The following USP43 variants were observed in gnomAD, a reference collection of about 807,000 sequenced individuals.
The protein encoded by USP43 is ubiquitin carboxyl-terminal hydrolase 43.
In USP43, 33 loss-of-function variants were observed where a neutral mutation model predicts 90.7. The ratio of observed to expected loss-of-function variants is 0.36; its 90% CI spans 0.28 to 0.49. The LOEUF is 0.49. Among genes scored for constraint, USP43 ranks in the 20% least tolerant of loss-of-function variants. The probability of loss-of-function intolerance (pLI) is 0.98; values close to 1 mark genes in which losing one functional copy is unlikely to be tolerated. For synonymous variants in USP43, 598 were observed against 615.8 expected (o/e 0.97, Z 0.43); for missense variants, 1,274 against 1,476.4 (o/e 0.86, Z 2.25).
At chr17:9,692,101 G>A (rs578050022) in intron 8 of USP43, among the ~76,000 whole-genome samples, 1 of 151,910 alleles carries the variant, frequency 6.6e-6, no homozygotes, top group Non-Finnish European at 1.5e-5. Context: ...GCTCATGCCT[G>A]TAATCCCAGC....
intron 8 of USP43, among the ~76,000 whole-genome samples, chr17:9,690,382 T>C (rs915009653): frequency 2.0e-5 from 3 of 152,184 alleles, no homozygotes; most frequent in Non-Finnish European, 4.4e-5. Flanking sequence ...CCTATTTCTT[T>C]TATTTGAATG....
In USP43 at chr17:9,687,406, A is replaced by T. The variant is rs540965018; in HGVS notation, c.1353+497A>T. Among the ~76,000 whole-genome samples the T allele has an allele frequency of 1.4e-3, 210 of 152,356 alleles. 1 individual carries two copies. The highest frequency in any genetic ancestry group is 2.4e-3 in the Non-Finnish European group (163 of 68,024). On this transcript the variant is annotated intron_variant, in intron 8 of 14. Transcript: ENST00000285199. ...TTAAAATGGATGATTATGTCCAAAT[A>T]TGAAAATCTAAATGTTAAAATAAGT...
chr17:9,708,892 G>T (rs1202212427), intron 12 of USP43, among the ~76,000 whole-genome samples: 2 of 152,150 alleles, frequency 1.3e-5, no homozygotes, highest in East Asian at 3.8e-4. Flanking sequence ...CTCCCAAAGT[G>T]CTGGGATTAA....
At chr17:9,715,679 C>A (rs563075733) in intron 14 of USP43, among the ~76,000 whole-genome samples, 23 of 122,142 alleles carry the variant, frequency 1.9e-4, no homozygotes, top group African/African-American at 6.9e-4. Flanking sequence ...GTGTGTGTGT[C>A]TGTGTGTATG....
Position 9,646,055 on chromosome 17 carries a change from C to T in USP43, c.423C>T (p.Ala141=). The change falls in exon 1 of 15, where the codon GCC becomes GCT. Residue 141 remains alanine, a synonymous_variant. Transcript: ENST00000285199. ...GCTACCGGGCGGCTCCGGGCCGCGC[C>T]GAGGTCACCGAGCAGCTGGCGGCGC... is the stretch of plus-strand genomic sequence containing the variant. The part of the protein sequence containing the change: ...LGRYRAAPGR[A]EVTEQLAALV... 2.7e-6 allele frequency: 4 copies of T among 1,505,558 alleles called. No homozygotes were observed. The highest frequency in any genetic ancestry group is 3.5e-6 in the Non-Finnish European group (4 of 1,128,070). 93.3% of individuals were successfully genotyped at this position (1,505,558 alleles called of 1,614,324 possible).
chr17:9,675,298 C>T (rs1226796890), intron 4 of USP43, among the ~76,000 whole-genome samples: 2 of 152,092 alleles, frequency 1.3e-5, no homozygotes, highest in Non-Finnish European at 2.9e-5. Flanking sequence ...AGAGAAAATC[C>T]GTGGCCACCT....
chr17:9,673,772 G>C (rs192040325), intron 3 of USP43, among the ~76,000 whole-genome samples: 8 of 152,298 alleles, frequency 5.3e-5, no homozygotes, highest in Non-Finnish European at 1.2e-4. Flanking sequence ...TTTCTCTTCT[G>C]TAAAATGTGT....
At chr17:9,690,973 G>A (rs1248836935) in intron 8 of USP43, among the ~76,000 whole-genome samples, 2 of 152,012 alleles carry the variant, frequency 1.3e-5, no homozygotes, top group East Asian at 1.9e-4. Flanking sequence ...CTTTCTATCT[G>A]TATGAATTTT....
rs375324632 is a variant in USP43 at position 9,728,996 on chromosome 17, C to T, written c.*6C>T. On this transcript the variant is annotated 3_prime_UTR_variant, in exon 15 of 15. Coordinates refer to ENST00000285199, the MANE Select transcript of USP43 (RefSeq NM_153210.5). This position sits in a 1 kb window ranked among gnomAD's most constrained non-coding sequence, Gnocchi z 6.2. ...TACCGGAGTCCAGCTTTTGATGGAG[C>T]GTGTCAGTATTGTGTGACGCTGGCA... is the stretch of plus-strand genomic sequence containing the variant. 138 of 1,554,870 alleles carry T rather than the reference C, an allele frequency of 8.9e-5. No individual in the cohort carries two copies. Among genetic ancestry groups the T allele is most frequent in the Non-Finnish European group, 1.2e-4 (136 of 1,146,124 alleles).
intron 1 of USP43, chr17:9,647,148 A>C (rs1911486311): frequency 6.6e-6 from 1 of 151,782 alleles, no homozygotes; most frequent in African/African-American, 2.4e-5. Context: ...CTCCCTACAG[A>C]CTAGTGATTG....
At chr17:9,693,410 C>T (rs1028863756) in intron 9 of USP43, among the ~76,000 whole-genome samples, 180 bp downstream of exon 9, 1 of 140,628 alleles carries the variant, frequency 7.1e-6, no homozygotes, top group Non-Finnish European at 1.5e-5. Context: ...ACCCGTATGT[C>T]TGGAGAGGCA....
chr17:9,727,707 G>A (rs9893498), intron 14 of USP43, among the ~76,000 whole-genome samples: 1,675 of 152,218 alleles, frequency 0.011, 29 homozygotes, highest in African/African-American at 0.038. Context: ...TGTGCTGCCC[G>A]GCATGTAGAT....
At chr17:9,704,577 A>G (rs1915769152) in intron 12 of USP43, among the ~76,000 whole-genome samples, 1 of 152,164 alleles carries the variant, frequency 6.6e-6, no homozygotes, top group African/African-American at 2.4e-5. Flanking sequence ...TCGGCCTCCC[A>G]AAGTGCTGGG....
chr17:9,671,535 TCAGGGG>T (rs1913439304), intron 3 of USP43, among the ~76,000 whole-genome samples: 1 of 152,276 alleles, frequency 6.6e-6, no homozygotes, highest in Non-Finnish European at 1.5e-5. Context: ...GACAAGAAAT[TCAGGGG>T]CAAAGCCTGG....
chr17:9,727,854 C>A, intron 14 of USP43, 100 bp from the exon 15 acceptor site: 2 of 1,353,642 alleles, frequency 1.5e-6, no homozygotes, highest in Non-Finnish European at 2.0e-6. Context: ...CAGTGCCCAG[C>A]ACAGTGCCTC....
intron 1 of USP43, among the ~76,000 whole-genome samples, chr17:9,653,404 A>G (rs1912010450): frequency 6.6e-6 from 1 of 152,136 alleles, no homozygotes; most frequent in South Asian, 2.1e-4. Context: ...CCTGGCCAAC[A>G]TGGCGAAACC....
chr17:9,687,526 G>A (rs1164849823), intron 8 of USP43, among the ~76,000 whole-genome samples: 1 of 152,174 alleles, frequency 6.6e-6, no homozygotes, highest in Admixed American at 6.5e-5. Context: ...AAAACAGCAT[G>A]TTTAAAAACT....
chr17:9,681,211 T>G (rs1363429324), intron 6 of USP43, among the ~76,000 whole-genome samples: 4 of 60,892 alleles, frequency 6.6e-5, no homozygotes, highest in Admixed American at 2.2e-4. Flanking sequence ...ATATAATATA[T>G]ACATTATATA....
At chr17:9,676,377 TC>T (rs1165068637) in intron 4 of USP43, among the ~76,000 whole-genome samples, 2 of 152,150 alleles carry the variant, frequency 1.3e-5, no homozygotes, top group Admixed American at 6.5e-5. Flanking sequence ...TTTCTTTCTT[TC>T]TTTCTTTTTG....
Sources: allele counts gnomAD v4.1 joint callset (sites outside exome capture counted in the v4.1 genomes callset), GRCh38; gene constraint gnomAD v4.1.1; non-coding constraint Gnocchi (gnomAD v3.1); transcripts MANE v1.5; gene names NCBI Gene and HGNC (gene_info 2026-07-23, HGNC 2026-07-21).